ANKRD30BL: variants seen among roughly 807,000 people sequenced by gnomAD.
The protein encoded by ANKRD30BL is putative ankyrin repeat domain-containing protein 30B-like.
ANKRD30BL carries 20 observed loss-of-function variants against 18.4 expected under a neutral mutation model. The observed-to-expected ratio is 1.09, with a 90% confidence interval of 0.77 to 1.58. ANKRD30BL has a LOEUF of 1.58. Among genes scored for constraint, ANKRD30BL ranks in the 40% most tolerant of loss-of-function variants. The pLI is 0.00. For missense variants in ANKRD30BL, 224 were observed against 268.6 expected (o/e 0.83, Z 1.16); for synonymous variants, 72 against 100.9 (o/e 0.71, Z 1.72).
At chr2:132,161,364 C>G in intron 1 of ANKRD30BL, 124 bp downstream of exon 1, 1 of 998,536 alleles carries the variant, frequency 1.0e-6, no homozygotes, top group Non-Finnish European at 1.4e-6. Context: ...ACGGCCGCCC[C>G]GCTGCCCGCC....
At chr2:132,227,563 G>A (rs1679880914) in intron 1 of ANKRD30BL, among the ~76,000 whole-genome samples, 1 of 151,852 alleles carries the variant, frequency 6.6e-6, no homozygotes, top group South Asian at 2.1e-4. Context: ...ATAAAATCTA[G>A]ACAGCAGCAT....
Position 132,206,474 on chromosome 2 carries a change from C to T in ANKRD30BL, n.442-49328G>A, listed in dbSNP as rs571569944. Among the ~76,000 whole-genome samples, 33 of 152,270 alleles carry T rather than the reference C, an allele frequency of 2.2e-4. 1 individual carries two copies. The South Asian group carries it at 4.6e-3, about 21-fold the overall frequency. On this transcript the variant is annotated intron_variant and non_coding_transcript_variant, in intron 1 of 4. Transcript: ENST00000470729. The stretch of plus-strand genomic sequence containing the variant: ...TTCCACTTTCTGGTTATATGAGTGA[C>T]TGTAGACAAATTACTTAATCTTTTA...
At chr2:132,159,468 G>A (rs894954471) in intron 1 of ANKRD30BL, among the ~76,000 whole-genome samples, 2 of 151,972 alleles carry the variant, frequency 1.3e-5, no homozygotes, top group Non-Finnish European at 2.9e-5. Context: ...CTGTAACCAG[G>A]AACACTAAAT....
At chr2:132,238,697 T>G (rs1295151964) in intron 1 of ANKRD30BL, among the ~76,000 whole-genome samples, 1 of 152,048 alleles carries the variant, frequency 6.6e-6, no homozygotes, top group African/African-American at 2.4e-5. Flanking sequence ...GAACCTTTCT[T>G]TTGATAGAGC....
Position 132,147,872 on chromosome 2 carries a change from A to C in ANKRD30BL, c.*259T>G, listed in dbSNP as rs1246301708. The C allele has an allele frequency of 4.1e-5, 18 of 440,660 alleles. No homozygotes were observed. The Admixed American group carries it at 6.4e-4, about 16-fold the overall frequency. 27.3% of individuals were successfully genotyped at this position (440,660 alleles called of 1,614,324 possible). ...GGTGTCTAAGGATGACTAAGGACAG[A>C]GCAGGTTACTAAGAATGACTAAAGA... On this transcript the variant is annotated 3_prime_UTR_variant, in exon 6 of 6. Coordinates refer to ENST00000409867, the MANE Select transcript of ANKRD30BL (RefSeq NM_001358416.1).
intron 1 of ANKRD30BL, among the ~76,000 whole-genome samples, chr2:132,250,001 C>T (rs566273270): frequency 2.8e-4 from 43 of 152,252 alleles, no homozygotes; most frequent in African/African-American, 1.0e-3. Flanking sequence ...CCTTTTTCAC[C>T]ATAGGCCTCA....
At chr2:132,162,944 G>A (rs1039401263), upstream of ANKRD30BL, among the ~76,000 whole-genome samples, 258 of 152,324 alleles carry the variant, frequency 1.7e-3, no homozygotes, top group Non-Finnish European at 2.9e-3. Flanking sequence ...CACGGATGGC[G>A]GGTCCCGTTT....
At chr2:132,240,324 G>T (rs541785518) in intron 1 of ANKRD30BL, among the ~76,000 whole-genome samples, 1 of 145,296 alleles carries the variant, frequency 6.9e-6, no homozygotes, top group South Asian at 2.2e-4. Context: ...GAATATCTTC[G>T]CATAAAACTA....
At chr2:132,200,400 G>T (rs1379993458) in intron 1 of ANKRD30BL, among the ~76,000 whole-genome samples, 2 of 152,098 alleles carry the variant, frequency 1.3e-5, no homozygotes, top group African/African-American at 4.8e-5. Context: ...AAATCCCATT[G>T]TCTCAGCCCA....
chr2:132,160,865 G>T (rs985993225), intron 1 of ANKRD30BL, among the ~76,000 whole-genome samples: 6 of 151,172 alleles, frequency 4.0e-5, no homozygotes, highest in Non-Finnish European at 8.8e-5. Context: ...TTAAAACGTT[G>T]ATAACTTTAT....
chr2:132,212,568 AAAC>A (rs1412251094), intron 1 of ANKRD30BL, among the ~76,000 whole-genome samples: 1 of 151,960 alleles, frequency 6.6e-6, no homozygotes, highest in Non-Finnish European at 1.5e-5. Context: ...AGCAACTTGG[AAAC>A]TCTCTTTTTG....
intron 1 of ANKRD30BL, among the ~76,000 whole-genome samples, chr2:132,195,482 C>T (rs1342623586): frequency 6.6e-6 from 1 of 151,740 alleles, no homozygotes; most frequent in Non-Finnish European, 1.5e-5. Context: ...GAATTCTCAA[C>T]TGGCTTTTTA....
intron 1 of ANKRD30BL, among the ~76,000 whole-genome samples, chr2:132,242,326 A>G (rs1390249222): frequency 6.6e-6 from 1 of 151,802 alleles, no homozygotes; most frequent in Non-Finnish European, 1.5e-5. Flanking sequence ...CTGCAAGTGG[A>G]TATTTGGATA....
intron 1 of ANKRD30BL, among the ~76,000 whole-genome samples, chr2:132,193,475 TCCACAGGCATAAAATC>T (rs1005579490): frequency 3.9e-5 from 6 of 152,162 alleles, no homozygotes; most frequent in African/African-American, 1.4e-4. Flanking sequence ...GAATTCCTGA[TCCACAGGCATAAAATC>T]CCACATGGTA....
intron 1 of ANKRD30BL, among the ~76,000 whole-genome samples, chr2:132,221,843 C>G (rs1679696220): frequency 8.0e-6 from 1 of 125,556 alleles, no homozygotes; most frequent in Non-Finnish European, 1.6e-5. Context: ...CCCGCCCGGC[C>G]AGCCGCCCCG....
intron 1 of ANKRD30BL, among the ~76,000 whole-genome samples, chr2:132,169,779 A>G (rs1373292313): frequency 2.6e-5 from 4 of 151,854 alleles, no homozygotes; most frequent in Non-Finnish European, 5.9e-5. Flanking sequence ...TCTTTATGAG[A>G]TAGTATTGAA....
At position 132,188,766 on chromosome 2, in the gene ANKRD30BL, T is replaced by G. The variant is rs551869871; in HGVS notation, n.442-31620A>C. On this transcript the variant is annotated intron_variant and non_coding_transcript_variant, in intron 1 of 4. Coordinates refer to the ANKRD30BL transcript ENST00000470729. ...TTAACACCTTGCTTATTATAATAAATAACTAAAGTAATCCAATACCTGTAA... is the reference window on the plus strand; with the variant it reads ...TTAACACCTTGCTTATTATAATAAAGAACTAAAGTAATCCAATACCTGTAA... Among the ~76,000 whole-genome samples, 1,368 of 152,106 alleles carry G rather than the reference T, an allele frequency of 9.0e-3. 24 individuals are homozygous for G. The highest frequency in any genetic ancestry group is 0.03 in the African/African-American group (1,245 of 41,506).
At chr2:132,220,220 C>T (rs1310527103) in intron 1 of ANKRD30BL, among the ~76,000 whole-genome samples, 3 of 151,988 alleles carry the variant, frequency 2.0e-5, no homozygotes, top group Admixed American at 2.0e-4. Flanking sequence ...GTGTTGTGTG[C>T]ATTCAACTCA....
intron 1 of ANKRD30BL, among the ~76,000 whole-genome samples, chr2:132,214,969 C>T (rs1361788732): frequency 1.3e-5 from 2 of 151,820 alleles, no homozygotes; most frequent in Non-Finnish European, 1.5e-5. Flanking sequence ...TGCAAGTGGA[C>T]ATTTGGAGAG....
Sources: gnomAD v4.1 joint callset for allele counts (sites outside exome capture counted in the v4.1 genomes callset) on GRCh38, gnomAD v4.1.1 for gene constraint, MANE v1.5 for transcripts, NCBI Gene and HGNC (gene_info 2026-07-23, HGNC 2026-07-21) for gene names.